Variants in AGPAT5 observed in about 807,000 individuals in gnomAD.
AGPAT5 encodes 1-acyl-sn-glycerol-3-phosphate acyltransferase epsilon.
AGPAT5 carries 46 observed loss-of-function variants against 45.6 expected under a neutral mutation model. The ratio of observed to expected loss-of-function variants is 1.01; its 90% CI spans 0.80 to 1.29. AGPAT5 has a LOEUF of 1.29. Ranked by LOEUF, AGPAT5 falls within the 50% of genes most tolerant of loss-of-function variation. The pLI, the probability that AGPAT5 is intolerant of heterozygous loss-of-function variation, is 0.00. For synonymous variants in AGPAT5, 272 were observed against 167.0 expected, an observed-to-expected ratio of 1.63 and a Z score of -4.85; for missense variants, 673 against 450.7, an observed-to-expected ratio of 1.49 and a Z score of -4.47.
chr8:6,722,122 A>C (rs1264076049), intron 1 of AGPAT5, among the ~76,000 whole-genome samples: 2 of 152,202 alleles, frequency 1.3e-5, no homozygotes, highest in Non-Finnish European at 2.9e-5. Flanking sequence ...AATGTATAGT[A>C]ATAAGGTTTG....
At chr8:6,734,619 T>C (rs980796802) in intron 4 of AGPAT5, among the ~76,000 whole-genome samples, 2 of 152,216 alleles carry the variant, frequency 1.3e-5, no homozygotes, top group East Asian at 3.8e-4. Flanking sequence ...TTGATTACTT[T>C]ATCTCTTCAG....
chr8:6,739,396 A>G (rs191934608), intron 4 of AGPAT5, among the ~76,000 whole-genome samples: 3 of 152,224 alleles, frequency 2.0e-5, no homozygotes, highest in Admixed American at 1.3e-4. Context: ...ATATAACAGG[A>G]TTGAATCTTT....
chr8:6,740,130 TGTCA>T (rs1242884795), intron 4 of AGPAT5, among the ~76,000 whole-genome samples: 1 of 152,174 alleles, frequency 6.6e-6, no homozygotes, highest in African/African-American at 2.4e-5. Context: ...TCCTGCTGTC[TGTCA>T]ATGTTCTTTT....
intron 4 of AGPAT5, 142 bp from the exon 5 acceptor site, chr8:6,741,519 G>A (rs878897829): frequency 5.8e-6 from 3 of 517,602 alleles, no homozygotes; most frequent in South Asian, 3.6e-5. Flanking sequence ...CTCTTGAAAC[G>A]AAGGTCACAT....
At chr8:6,733,543 G>C (rs1382634168) in intron 4 of AGPAT5, among the ~76,000 whole-genome samples, 1 of 152,178 alleles carries the variant, frequency 6.6e-6, no homozygotes, top group East Asian at 1.9e-4. Context: ...GGAATGAGAT[G>C]AACAGTGACC....
chr8:6,727,776 T>C (rs1322610815), intron 2 of AGPAT5, among the ~76,000 whole-genome samples: 1 of 152,206 alleles, frequency 6.6e-6, no homozygotes, highest in Admixed American at 6.5e-5. Context: ...TAGAATGTTA[T>C]AAAAAGGGAT....
At chr8:6,727,362 A>G (rs1399837276) in intron 2 of AGPAT5, among the ~76,000 whole-genome samples, 3 of 150,402 alleles carry the variant, frequency 2.0e-5, no homozygotes, top group East Asian at 3.9e-4. Context: ...TTATCCTTCA[A>G]CTATCTACTT....
intron 1 of AGPAT5, among the ~76,000 whole-genome samples, chr8:6,722,774 A>G (rs1346064411): frequency 6.6e-6 from 1 of 152,250 alleles, no homozygotes; most frequent in East Asian, 1.9e-4. Flanking sequence ...TGATGAAGAT[A>G]GTTATTCAGA....
intron 1 of AGPAT5, among the ~76,000 whole-genome samples, chr8:6,720,211 G>A (rs1201650713): frequency 2.0e-5 from 3 of 152,026 alleles, no homozygotes; most frequent in Non-Finnish European, 4.4e-5. Flanking sequence ...CCAGCTAACC[G>A]AGGGCTTATC....
chr8:6,709,031 C>G (rs1015013189), intron 1 of AGPAT5, 144 bp downstream of exon 1: 4 of 802,820 alleles, frequency 5.0e-6, no homozygotes, highest in African/African-American at 1.7e-5. Context: ...CCCCGCCTTC[C>G]TCTCCGCATG....
At chr8:6,748,186 G>C (rs149437781) in intron 6 of AGPAT5, among the ~76,000 whole-genome samples, 313 of 152,238 alleles carry the variant, frequency 2.1e-3, no homozygotes, top group African/African-American at 7.1e-3. Context: ...CCCTTTTGCT[G>C]TATTTTTCGT....
chr8:6,710,380 T>C (rs1800116183), intron 1 of AGPAT5, among the ~76,000 whole-genome samples: 1 of 152,168 alleles, frequency 6.6e-6, no homozygotes, highest in African/African-American at 2.4e-5. Context: ...TCTGTTCAAA[T>C]CAAAGGAAGT....
At chr8:6,743,761 C>A (rs984719435) in intron 5 of AGPAT5, among the ~76,000 whole-genome samples, 2 of 136,820 alleles carry the variant, frequency 1.5e-5, no homozygotes, top group Non-Finnish European at 3.3e-5. Context: ...TTAAAGTAAG[C>A]CCCTATGGTG....
chr8:6,755,771 G>T (rs73661470), intron 7 of AGPAT5, among the ~76,000 whole-genome samples: 1 of 152,100 alleles, frequency 6.6e-6, no homozygotes, highest in East Asian at 1.9e-4. Flanking sequence ...TTACAGTACA[G>T]TGTTTTTAAT....
intron 1 of AGPAT5, among the ~76,000 whole-genome samples, chr8:6,715,546 TC>T (rs1800299779): frequency 1.3e-5 from 2 of 152,180 alleles, no homozygotes; most frequent in South Asian, 4.1e-4. Flanking sequence ...GCACCATTCT[TC>T]CTCTTTTACA....
rs1165789169 is a variant in AGPAT5, at chr8:6,732,628, G to A, written c.473G>A (p.Ser158Asn). The A allele has an allele frequency of 1.9e-6, 3 of 1,610,898 alleles. No homozygotes were observed. Among genetic ancestry groups the A allele is most frequent in the Non-Finnish European group, 2.5e-6 (3 of 1,179,124 alleles). Reference sequence around the variant, plus strand: ...AAAGAGATGCGAAACAAGTTGCAGAGCTACGTGGACGCAGGAACTCCAGTA... The same window carrying A: ...AAAGAGATGCGAAACAAGTTGCAGAACTACGTGGACGCAGGAACTCCAGTA... ...NEKEMRNKLQ[S>N]YVDAGTPMYL... Residue 158 changes from serine to asparagine, a missense_variant, in exon 4 of 8, where the codon AGC becomes AAC. Ser to Asn is a conservative substitution (Grantham distance 46, BLOSUM62 1). Coordinates refer to ENST00000285518, the MANE Select transcript of AGPAT5 (RefSeq NM_018361.5).
At chr8:6,719,779 A>T (rs934927650) in intron 1 of AGPAT5, among the ~76,000 whole-genome samples, 1 of 152,202 alleles carries the variant, frequency 6.6e-6, no homozygotes, top group African/African-American at 2.4e-5. Context: ...ATCTTCTCTT[A>T]AAAAATCTGC....
At chr8:6,724,479 A>G (rs1012506813) in intron 1 of AGPAT5, among the ~76,000 whole-genome samples, 4 of 152,040 alleles carry the variant, frequency 2.6e-5, no homozygotes, top group African/African-American at 9.7e-5. Context: ...AAGGTACCAT[A>G]TTTTCATAGT....
intron 7 of AGPAT5, among the ~76,000 whole-genome samples, chr8:6,755,821 A>C (rs1304000032): frequency 6.6e-6 from 1 of 152,326 alleles, no homozygotes; most frequent in East Asian, 1.9e-4. Context: ...AAAATGATTA[A>C]AAGTGTAATA....
Sources: allele counts gnomAD v4.1 joint callset (sites outside exome capture counted in the v4.1 genomes callset), GRCh38; gene constraint gnomAD v4.1.1; transcripts MANE v1.5; gene names NCBI Gene and HGNC (gene_info 2026-07-23, HGNC 2026-07-21).